PMF1: variants seen among roughly 807,000 people sequenced by gnomAD.
The protein encoded by PMF1 is polyamine-modulated factor 1.
In PMF1, 21 loss-of-function variants were observed where a neutral mutation model predicts 26.7. The ratio of observed to expected loss-of-function variants is 0.79; its 90% CI spans 0.56 to 1.13. The LOEUF (loss-of-function observed/expected upper bound fraction) is 1.13, where lower values mean the gene tolerates loss of function less well. Among genes scored for constraint, PMF1 ranks in the 50% most tolerant of loss-of-function variants. The pLI is 0.00. For missense variants in PMF1, 266 were observed against 254.9 expected (o/e 1.04, Z -0.30); for synonymous variants, 105 against 101.0 (o/e 1.04, Z -0.24).
chr1:156,232,112 G>A (rs2103118087), intron 1 of PMF1, among the ~76,000 whole-genome samples: 1 of 152,346 alleles, frequency 6.6e-6, no homozygotes, highest in South Asian at 2.1e-4. Context: ...TCCTAAGAAG[G>A]AGTGAGGATG....
At chr1:156,217,131 CTAGATGACGAGT>C (rs1657801617) in intron 1 of PMF1, among the ~76,000 whole-genome samples, 1 of 149,544 alleles carries the variant, frequency 6.7e-6, no homozygotes, top group Non-Finnish European at 1.5e-5. Context: ...ATACCTAAGG[CTAGATGACGAGT>C]TAGTGGGTGC....
intron 2 of PMF1, among the ~76,000 whole-genome samples, chr1:156,232,919 CTTTT>C (rs57297712): frequency 8.7e-6 from 1 of 114,294 alleles, no homozygotes; most frequent in African/African-American, 3.6e-5. Context: ...TTTTTTCTTC[CTTTT>C]TTTTTTTTTT....
At chr1:156,222,123 A>G (rs931010427) in intron 1 of PMF1, among the ~76,000 whole-genome samples, 1 of 152,166 alleles carries the variant, frequency 6.6e-6, no homozygotes, top group Non-Finnish European at 1.5e-5. Context: ...GTACAAGGCC[A>G]TTCCTTCCCA....
intron 4 of PMF1, among the ~76,000 whole-genome samples, chr1:156,238,851 G>A (rs1305322273): frequency 6.7e-6 from 1 of 150,250 alleles, no homozygotes; most frequent in Non-Finnish European, 1.5e-5. Flanking sequence ...TGGGGGACTG[G>A]GCAGCAGGCG....
intron 1 of PMF1, among the ~76,000 whole-genome samples, chr1:156,216,611 T>TGCCG (rs1657725718): frequency 6.6e-6 from 1 of 151,624 alleles, no homozygotes; most frequent in African/African-American, 2.4e-5. Context: ...CGACTCCCGG[T>TGCCG]GCCGGCCCGG....
At chr1:156,231,645 A>G (rs142167442) in intron 1 of PMF1, among the ~76,000 whole-genome samples, 292 of 150,804 alleles carry the variant, frequency 1.9e-3, no homozygotes, top group Non-Finnish European at 3.4e-3. Context: ...AGAGGTTGCA[A>G]TGAACCAAGA....
rs571053575 is a variant in PMF1 at position 156,219,803 on chromosome 1, G to A, written c.161+6627G>A. Reference sequence around the variant, plus strand: ...CATGCTCTGTCGCCCAGACCGGAGTGCAGTGGCATGATCACAGCTCACTGC... The same window carrying A: ...CATGCTCTGTCGCCCAGACCGGAGTACAGTGGCATGATCACAGCTCACTGC... On this transcript the variant is annotated intron_variant, in intron 1 of 4. Coordinates refer to ENST00000368277, the MANE Select transcript of PMF1 (RefSeq NM_007221.4). Among the ~76,000 whole-genome samples, 4 of 152,192 alleles carry A rather than the reference G, an allele frequency of 2.6e-5. No homozygotes were observed. The South Asian group carries it at 6.2e-4, about 24-fold the overall frequency.
At chr1:156,222,301 TCTC>T (rs1340026339) in intron 1 of PMF1, among the ~76,000 whole-genome samples, 1 of 152,158 alleles carries the variant, frequency 6.6e-6, no homozygotes, top group Non-Finnish European at 1.5e-5. Flanking sequence ...AGAACATCCT[TCTC>T]CTCATTTGAT....
rs534304986 is a variant in PMF1 at position 156,216,259 on chromosome 1, C to T, written c.161+3083C>T. Among the ~76,000 whole-genome samples the T allele has an allele frequency of 2.3e-4, 35 of 152,068 alleles. No individual in the cohort carries two copies. In the South Asian group the frequency reaches 6.8e-3, roughly 30 times the overall value. ...TATAAAAATTAGCCGGGCCTAGTGG[C>T]GCATGCCTGTAATCCCAGCTACTCG... is the stretch of plus-strand genomic sequence containing the variant. On this transcript the variant is annotated intron_variant, in intron 1 of 4. Transcript: ENST00000368277.
At chr1:156,230,451 C>T (rs538740970) in intron 1 of PMF1, among the ~76,000 whole-genome samples, 1 of 152,316 alleles carries the variant, frequency 6.6e-6, no homozygotes, top group South Asian at 2.1e-4. Flanking sequence ...TCCTTCTCTA[C>T]TGGAAGCTCT....
chr1:156,233,937 CT>C (rs1658860194), intron 3 of PMF1, among the ~76,000 whole-genome samples: 1 of 152,056 alleles, frequency 6.6e-6, no homozygotes, highest in South Asian at 2.1e-4. Context: ...TTGAAGGAGA[CT>C]TTAAGACTGA....
intron 1 of PMF1, chr1:156,225,808 A>T: frequency 2.2e-6 from 1 of 445,070 alleles, no homozygotes. Flanking sequence ...CCAGAGCCTG[A>T]TTCTGTGCTT....
At chr1:156,213,777 G>A (rs1657528993) in intron 1 of PMF1, among the ~76,000 whole-genome samples, 1 of 152,154 alleles carries the variant, frequency 6.6e-6, no homozygotes, top group African/African-American at 2.4e-5. Flanking sequence ...TACACCTAAG[G>A]CGCCTAGGAC....
At chr1:156,225,639 G>T (rs1208691429) in intron 1 of PMF1, 1 of 1,561,928 alleles carries the variant, frequency 6.4e-7, no homozygotes, top group Non-Finnish European at 8.7e-7. Flanking sequence ...CTTCAGTTGG[G>T]CGGCGTGCAG....
Position 156,238,810 on chromosome 1 carries a change from C to T in PMF1, c.565-738C>T, listed in dbSNP as rs779579322. Among the ~76,000 whole-genome samples the T allele has an allele frequency of 8.5e-5, 13 of 152,288 alleles. No individual in the cohort carries two copies. In the South Asian group the frequency reaches 1.0e-3, roughly 12 times the overall value. ...CGCTCTGCTCCCTACTGTCCCCACTCCCTCTGCTCTCCCCACATCACAGAC... is the reference window on the plus strand; with the variant it reads ...CGCTCTGCTCCCTACTGTCCCCACTTCCTCTGCTCTCCCCACATCACAGAC... On this transcript the variant is annotated intron_variant, in intron 4 of 4. Transcript: ENST00000368277.
intron 1 of PMF1, 96 bp downstream of exon 1, chr1:156,213,272 G>C: frequency 2.0e-6 from 3 of 1,532,276 alleles, no homozygotes; most frequent in Middle Eastern, 2.3e-4. Context: ...CGGTGACGTG[G>C]GTCCGCGTTG....
intron 1 of PMF1, 76 bp from the exon 2 acceptor site, chr1:156,232,244 G>T (rs973465748): frequency 2.3e-6 from 3 of 1,321,870 alleles, no homozygotes; most frequent in African/African-American, 2.9e-5. Context: ...GTAATGCGAA[G>T]CGGAGGTACC....
chr1:156,227,765 T>C (rs1658449409), intron 1 of PMF1, among the ~76,000 whole-genome samples: 1 of 151,864 alleles, frequency 6.6e-6, no homozygotes, highest in Admixed American at 6.6e-5. Context: ...CCCAAAGTGC[T>C]GGGATAACAG....
chr1:156,228,038 G>A (rs528850112), intron 1 of PMF1, among the ~76,000 whole-genome samples: 42 of 151,276 alleles, frequency 2.8e-4, no homozygotes, highest in African/African-American at 1.0e-3. Flanking sequence ...GGGTTCAAGT[G>A]ATTCTCCTGC....
Sources: gnomAD v4.1 joint callset for allele counts (sites outside exome capture counted in the v4.1 genomes callset) on GRCh38, gnomAD v4.1.1 for gene constraint, MANE v1.5 for transcripts, NCBI Gene and HGNC (gene_info 2026-07-23, HGNC 2026-07-21) for gene names.